The following DPP6 variants were observed in gnomAD, a reference collection of about 807,000 sequenced individuals.
DPP6 encodes A-type potassium channel modulatory protein DPP6.
Under a neutral mutation model 122.6 loss-of-function variants are expected in DPP6, and 69 were observed. That is an observed-to-expected ratio of 0.56 (90% CI 0.46 to 0.69). The LOEUF is 0.69. Among genes scored for constraint, DPP6 ranks in the 30% least tolerant of loss-of-function variants. The probability of loss-of-function intolerance (pLI) is 0.00; values close to 1 mark genes in which losing one functional copy is unlikely to be tolerated. For missense variants in DPP6, 928 were observed against 1,116.9 expected (o/e 0.83, Z 2.41); for synonymous variants, 418 against 433.1 (o/e 0.97, Z 0.43).
intron 1 of DPP6, among the ~76,000 whole-genome samples, chr7:154,006,205 A>G (rs956732398): frequency 2.6e-5 from 4 of 152,162 alleles, no homozygotes; most frequent in African/African-American, 9.7e-5. Context: ...GGCATTGTTG[A>G]GAACAGATAA....
chr7:154,862,423 G>A lies in DPP6; in HGVS notation c.1715-5572G>A, dbSNP rs757793384. Reference sequence around the variant, plus strand: ...GCGTGAGCAGCTGTCCTGGTGGGTGGAGTGTCTGCAGATTTGCTGTTGGAA... The same window carrying A: ...GCGTGAGCAGCTGTCCTGGTGGGTGAAGTGTCTGCAGATTTGCTGTTGGAA... On this transcript the variant is annotated intron_variant, in intron 17 of 25. Coordinates refer to ENST00000377770, the MANE Select transcript of DPP6 (RefSeq NM_130797.4). Among the ~76,000 whole-genome samples, 3 of 152,352 alleles carry A rather than the reference G, an allele frequency of 2.0e-5. No homozygotes were observed. The South Asian group carries it at 6.2e-4, about 32-fold the overall frequency.
rs551893722 is a variant in DPP6 at position 154,643,797 on chromosome 7, G to A, written c.680+5924G>A. 5.1e-4 allele frequency among the ~76,000 whole-genome samples: 77 copies of A among 152,188 alleles called. 1 individual carries two copies. The highest frequency in any genetic ancestry group is 3.2e-3 in the Admixed American group (49 of 15,280). ...CCCACCAAAGAAGGAGGGGAGGGTT[G>A]AAGGTGTCACCATCATAAACAGTCT... On this transcript the variant is annotated intron_variant, in intron 6 of 25. Coordinates refer to ENST00000377770, the MANE Select transcript of DPP6 (RefSeq NM_130797.4).
At chr7:154,197,821 C>T (rs774302977) in intron 1 of DPP6, among the ~76,000 whole-genome samples, 6 of 152,174 alleles carry the variant, frequency 3.9e-5, no homozygotes, top group Non-Finnish European at 8.8e-5. Flanking sequence ...TCCTAACCCA[C>T]CTGATCCTAA....
intron 1 of DPP6, among the ~76,000 whole-genome samples, chr7:154,264,556 G>A (rs1803248281): frequency 6.6e-6 from 1 of 152,138 alleles, no homozygotes; most frequent in African/African-American, 2.4e-5. Flanking sequence ...ATCAAAAGCT[G>A]AGTATAGTGC....
chr7:154,695,153 T>A (rs1269403920), intron 7 of DPP6, among the ~76,000 whole-genome samples: 1 of 152,012 alleles, frequency 6.6e-6, no homozygotes, highest in Non-Finnish European at 1.5e-5. Flanking sequence ...AGGACACAGA[T>A]TTGGGGTAGC....
chr7:154,135,438 C>T (rs938797535), intron 1 of DPP6, among the ~76,000 whole-genome samples: 5 of 150,524 alleles, frequency 3.3e-5, no homozygotes, highest in East Asian at 2.0e-4. Context: ...GCATGCTTCC[C>T]GTGAGCCCAC....
At chr7:153,980,035 G>T (rs1370535914) in intron 1 of DPP6, among the ~76,000 whole-genome samples, 3 of 152,204 alleles carry the variant, frequency 2.0e-5, no homozygotes, top group African/African-American at 7.2e-5. Flanking sequence ...GCTAGGTTTT[G>T]GTATCAGGAT....
chr7:154,378,000 G>A (rs80150885), intron 1 of DPP6, among the ~76,000 whole-genome samples: 1,604 of 152,312 alleles, frequency 0.011, 30 homozygotes, highest in African/African-American at 0.036. Context: ...CTTAGGGACT[G>A]TCTCTTCTGG....
At chr7:154,778,394 G>A (rs1421316277) in intron 10 of DPP6, among the ~76,000 whole-genome samples, 1 of 151,926 alleles carries the variant, frequency 6.6e-6, no homozygotes, top group Non-Finnish European at 1.5e-5. Flanking sequence ...AATATGCACT[G>A]CCCATGACAC....
At chr7:154,585,303 G>A (rs1482748824) in intron 5 of DPP6, among the ~76,000 whole-genome samples, 1 of 152,206 alleles carries the variant, frequency 6.6e-6, no homozygotes, top group Non-Finnish European at 1.5e-5. Context: ...TGTAATACTA[G>A]GATAGACTAT....
At chr7:154,487,786 CTAAT>C (rs1199750920) in intron 3 of DPP6, among the ~76,000 whole-genome samples, 1 of 152,156 alleles carries the variant, frequency 6.6e-6, no homozygotes, top group Non-Finnish European at 1.5e-5. Flanking sequence ...CTGCTAGGGT[CTAAT>C]TAATTATCAT....
chr7:154,516,401 AAGG>A (rs1284025632), intron 3 of DPP6, among the ~76,000 whole-genome samples: 2 of 152,176 alleles, frequency 1.3e-5, no homozygotes, highest in Admixed American at 1.3e-4. Context: ...GTGCTACTGA[AAGG>A]AGAATGAGAG....
At chr7:154,212,297 A>G (rs554239299) in intron 1 of DPP6, among the ~76,000 whole-genome samples, 1 of 152,374 alleles carries the variant, frequency 6.6e-6, no homozygotes, top group East Asian at 1.9e-4. Context: ...TAAAAGAAAT[A>G]CCAAATGCAT....
the DPP6 span, among the ~76,000 whole-genome samples, chr7:153,793,086 G>A: frequency 0.41 from 61,677 of 149,382 alleles, 10,910 homozygotes; most frequent in South Asian, 0.48. Context: ...AAACTAATGC[G>A]GTAAATTGAT....
intron 1 of DPP6, among the ~76,000 whole-genome samples, chr7:153,903,943 A>G (rs1031948088): frequency 6.6e-6 from 1 of 152,202 alleles, no homozygotes. Flanking sequence ...AAAACTGTCA[A>G]TCATCCTATG....
intron 1 of DPP6, among the ~76,000 whole-genome samples, chr7:154,165,118 C>T (rs865881531): frequency 2.0e-5 from 3 of 149,540 alleles, no homozygotes; most frequent in Non-Finnish European, 4.4e-5. Flanking sequence ...AACTCGTCAT[C>T]TAGCATTAGG....
chr7:154,845,053 T>C (rs1801839994), intron 16 of DPP6, among the ~76,000 whole-genome samples: 1 of 152,212 alleles, frequency 6.6e-6, no homozygotes, highest in Non-Finnish European at 1.5e-5. Context: ...AGAATGGTCT[T>C]GAGAGACCTT....
intron 6 of DPP6, among the ~76,000 whole-genome samples, chr7:154,668,442 G>A (rs953188651): frequency 3.3e-5 from 5 of 151,134 alleles, no homozygotes; most frequent in Admixed American, 2.0e-4. Flanking sequence ...GGATGGTCTC[G>A]ATCTCCTGAC....
At chr7:154,249,352 T>C (rs1802200570) in intron 1 of DPP6, among the ~76,000 whole-genome samples, 1 of 152,210 alleles carries the variant, frequency 6.6e-6, no homozygotes. Context: ...TTATAGCGAA[T>C]GAAAAATATC....
Sources: gnomAD v4.1 joint callset for allele counts (sites outside exome capture counted in the v4.1 genomes callset) on GRCh38, gnomAD v4.1.1 for gene constraint, MANE v1.5 for transcripts, NCBI Gene and HGNC (gene_info 2026-07-23, HGNC 2026-07-21) for gene names.